The following MICU2 variants were observed in gnomAD, a reference collection of about 807,000 sequenced individuals.
The protein encoded by MICU2 is calcium uptake protein 2, mitochondrial.
In MICU2, 64 loss-of-function variants were observed where a neutral mutation model predicts 60.4. The observed-to-expected ratio is 1.06, with a 90% CI of 0.87 to 1.31. The LOEUF (loss-of-function observed/expected upper bound fraction) is 1.31. MICU2 is among the 50% of genes most tolerant of loss of function. The pLI is 0.00. For synonymous variants in MICU2, 201 were observed against 175.0 expected, an observed-to-expected ratio of 1.15 and a Z score of -1.17; for missense variants, 569 against 531.0, an observed-to-expected ratio of 1.07 and a Z score of -0.70.
In MICU2 at chr13:21,510,004, C is replaced by A; in HGVS notation, c.761G>T (p.Arg254Ile). Reference sequence around the variant, plus strand: ...AATGAATGTAAATATTTGCATTTACCTTCGAAATTCTTTATAATGAAGTTT... The same window carrying A: ...AATGAATGTAAATATTTGCATTTACATTCGAAATTCTTTATAATGAAGTTT... Reference protein sequence around the residue: ...QRKLHYKEFRRFMENLQTEIQ... With the variant: ...QRKLHYKEFRIFMENLQTEIQ... Residue 254 changes from arginine to isoleucine, a missense_variant and splice_region_variant, in exon 8 of 12, where the codon AGA becomes ATA. Coordinates refer to ENST00000382374, the MANE Select transcript of MICU2 (RefSeq NM_152726.3). The A allele has an allele frequency of 1.3e-6, 2 of 1,509,778 alleles. No homozygotes were observed. Among genetic ancestry groups the A allele is most frequent in the South Asian group, 1.3e-5 (1 of 75,382 alleles). 93.5% of individuals were successfully genotyped at this position (1,509,778 alleles called of 1,614,324 possible).
chr13:21,543,192 A>G (rs1887325192), intron 2 of MICU2, among the ~76,000 whole-genome samples: 1 of 152,218 alleles, frequency 6.6e-6, no homozygotes, highest in Non-Finnish European at 1.5e-5. Context: ...CCTTCTTCAT[A>G]TCACTAATAA....
At chr13:21,542,318 A>G (rs932720549) in intron 2 of MICU2, among the ~76,000 whole-genome samples, 6 of 152,246 alleles carry the variant, frequency 3.9e-5, no homozygotes, top group Non-Finnish European at 8.8e-5. Context: ...ACAAGGCAAG[A>G]GCATATTAAA....
chr13:21,523,491 C>T (rs12428749), intron 4 of MICU2, among the ~76,000 whole-genome samples: 47,929 of 152,224 alleles, frequency 0.31, 8,636 homozygotes, highest in South Asian at 0.41. Context: ...TCAAATTACA[C>T]TATTTAAAAC....
chr13:21,603,097 A>G (rs1789989616), intron 1 of MICU2, among the ~76,000 whole-genome samples: 1 of 144,416 alleles, frequency 6.9e-6, no homozygotes. Context: ...GCCTCCCGCC[A>G]CCACACCCAG....
intron 1 of MICU2, among the ~76,000 whole-genome samples, chr13:21,576,227 A>G (rs1191338541): frequency 6.6e-6 from 1 of 152,210 alleles, no homozygotes; most frequent in African/African-American, 2.4e-5. Flanking sequence ...TGAATAGAAA[A>G]CTAGCAACAG....
intron 2 of MICU2, among the ~76,000 whole-genome samples, chr13:21,557,452 G>A (rs558687248): frequency 1.1e-3 from 166 of 152,248 alleles, no homozygotes; most frequent in African/African-American, 3.9e-3. Flanking sequence ...AGCCTACCAA[G>A]GAAACAGGAA....
intron 2 of MICU2, among the ~76,000 whole-genome samples, chr13:21,556,126 C>T (rs1388959028): frequency 1.3e-5 from 2 of 151,978 alleles, no homozygotes; most frequent in Non-Finnish European, 2.9e-5. Flanking sequence ...CCCATTTTTT[C>T]CTAAACCCAC....
At chr13:21,525,353 C>T (rs574525085) in intron 4 of MICU2, among the ~76,000 whole-genome samples, 19 of 151,654 alleles carry the variant, frequency 1.3e-4, no homozygotes, top group South Asian at 4.2e-4. Context: ...CCACCACGCC[C>T]GGTTAATTTT....
intron 9 of MICU2, among the ~76,000 whole-genome samples, chr13:21,497,605 G>A (rs990815178): frequency 1.3e-5 from 2 of 152,068 alleles, no homozygotes; most frequent in Non-Finnish European, 2.9e-5. Context: ...AGCGACTGAG[G>A]AGGCTTAGGC....
intron 1 of MICU2, among the ~76,000 whole-genome samples, chr13:21,583,806 T>A (rs138153361): frequency 3.2e-4 from 49 of 152,368 alleles, no homozygotes; most frequent in African/African-American, 1.2e-3. Flanking sequence ...TGATTTGAGC[T>A]GGTTTCTTAA....
At chr13:21,547,600 T>C (rs1053080375) in intron 2 of MICU2, among the ~76,000 whole-genome samples, 1 of 152,200 alleles carries the variant, frequency 6.6e-6, no homozygotes, top group Admixed American at 6.5e-5. Flanking sequence ...TAAAGAAATG[T>C]ATGGATTATA....
rs532895674 is a variant in MICU2, at chr13:21,553,481, G to A, written c.358+13316C>T. Reference sequence around the variant, plus strand: ...TTGCAACACTATGTTGAATAGGAGTGGTGAGAGAGGGCATCCCCACCAGGC... The same window carrying A: ...TTGCAACACTATGTTGAATAGGAGTAGTGAGAGAGGGCATCCCCACCAGGC... On this transcript the variant is annotated intron_variant, in intron 2 of 11. Coordinates refer to ENST00000382374, the MANE Select transcript of MICU2 (RefSeq NM_152726.3). Among the ~76,000 whole-genome samples the A allele has an allele frequency of 2.6e-5, 4 of 152,198 alleles. 1 individual carries two copies. In the South Asian group the frequency reaches 6.2e-4, roughly 24 times the overall value.
intron 2 of MICU2, among the ~76,000 whole-genome samples, chr13:21,550,074 G>GT (rs1566156948): frequency 6.6e-6 from 1 of 152,190 alleles, no homozygotes; most frequent in Admixed American, 6.5e-5. Context: ...AACAATGATT[G>GT]TAAGGTCTAG....
chr13:21,596,048 A>G (rs746576992), intron 1 of MICU2, among the ~76,000 whole-genome samples: 4 of 152,206 alleles, frequency 2.6e-5, no homozygotes, highest in Non-Finnish European at 5.9e-5. Context: ...TTCACAATCT[A>G]GTAATATTCA....
chr13:21,541,294 A>C (rs1045429185), intron 2 of MICU2, among the ~76,000 whole-genome samples: 6 of 152,120 alleles, frequency 3.9e-5, no homozygotes, highest in African/African-American at 9.7e-5. Flanking sequence ...TGAGTAAAGA[A>C]GGTAATGTTT....
At chr13:21,499,517 TCTC>T (rs973817185) in intron 9 of MICU2, among the ~76,000 whole-genome samples, 17 of 151,504 alleles carry the variant, frequency 1.1e-4, no homozygotes, top group African/African-American at 3.1e-4. Flanking sequence ...TCACACCAAT[TCTC>T]CTGCCTCTGC....
chr13:21,594,991 T>TTTTTG (rs1296475536), intron 1 of MICU2, among the ~76,000 whole-genome samples: 3 of 152,168 alleles, frequency 2.0e-5, no homozygotes, highest in Admixed American at 6.5e-5. Context: ...ATGTATCCTG[T>TTTTTG]TTTTGTTTTG....
At chr13:21,550,374 C>CA (rs1183461641) in intron 2 of MICU2, among the ~76,000 whole-genome samples, 1 of 152,072 alleles carries the variant, frequency 6.6e-6, no homozygotes, top group South Asian at 2.1e-4. Flanking sequence ...TCTCTCTCTA[C>CA]AAAAAATTAA....
chr13:21,502,018 A>G (rs543154522), intron 9 of MICU2, among the ~76,000 whole-genome samples: 2 of 152,306 alleles, frequency 1.3e-5, no homozygotes, highest in African/African-American at 4.8e-5. Flanking sequence ...TAATATAACC[A>G]TTACACTTAT....
Sources: allele counts gnomAD v4.1 joint callset (sites outside exome capture counted in the v4.1 genomes callset), GRCh38; gene constraint gnomAD v4.1.1; transcripts MANE v1.5; gene names NCBI Gene and HGNC (gene_info 2026-07-23, HGNC 2026-07-21).